The following TEAD1 variants were observed in gnomAD, a reference collection of about 807,000 sequenced individuals.
The protein encoded by TEAD1 is transcriptional enhancer factor TEF-1.
TEAD1 carries 9 observed loss-of-function variants against 54.9 expected under a neutral mutation model. The observed-to-expected ratio is 0.16, with a 90% CI of 0.10 to 0.29. The LOEUF is 0.29. TEAD1 is among the 10% of genes least tolerant of loss of function. TEAD1 has a pLI of 1.00. For synonymous variants in TEAD1, 200 were observed against 187.8 expected, an observed-to-expected ratio of 1.07 and a Z score of -0.53; for missense variants, 387 against 535.9, an observed-to-expected ratio of 0.72 and a Z score of 2.74.
intron 3 of TEAD1, among the ~76,000 whole-genome samples, chr11:12,772,975 C>T (rs1226418253): frequency 2.0e-5 from 3 of 152,170 alleles, no homozygotes; most frequent in East Asian, 3.9e-4. Flanking sequence ...CCGATCTGTC[C>T]TCTGTTTATA....
intron 3 of TEAD1, among the ~76,000 whole-genome samples, chr11:12,803,300 G>A (rs1946101887): frequency 1.3e-5 from 2 of 152,140 alleles, no homozygotes; most frequent in South Asian, 4.2e-4. Context: ...GCTTCCCTGA[G>A]GGTCTTGGCA....
At chr11:12,793,646 A>G (rs929444897) in intron 3 of TEAD1, among the ~76,000 whole-genome samples, 2 of 152,226 alleles carry the variant, frequency 1.3e-5, no homozygotes, top group Non-Finnish European at 2.9e-5. Context: ...CATTCATTCA[A>G]AAAACCCACC....
At chr11:12,765,550 G>A (rs919382714) in intron 3 of TEAD1, among the ~76,000 whole-genome samples, 1 of 152,010 alleles carries the variant, frequency 6.6e-6, no homozygotes, top group African/African-American at 2.4e-5. Flanking sequence ...GTCAGGAGCC[G>A]TAGGAGACTG....
chr11:12,698,655 T>A (rs1392272534), intron 2 of TEAD1, among the ~76,000 whole-genome samples: 3 of 152,130 alleles, frequency 2.0e-5, no homozygotes, highest in Admixed American at 2.0e-4. Context: ...TAGCCCCGTG[T>A]CTCTTTAACT....
chr11:12,749,969 A>G (rs376443475), intron 2 of TEAD1, among the ~76,000 whole-genome samples: 7 of 152,126 alleles, frequency 4.6e-5, no homozygotes, highest in East Asian at 3.9e-4. Context: ...TTGCATCTCA[A>G]TGTGAGAGAC....
At chr11:12,829,718 A>G (rs961340021) in intron 3 of TEAD1, among the ~76,000 whole-genome samples, 16 of 152,238 alleles carry the variant, frequency 1.1e-4, no homozygotes, top group Non-Finnish European at 2.4e-4. Flanking sequence ...TGTAGAGAGT[A>G]GGCCCAGTGA....
chr11:12,925,089 G>T, intron 11 of TEAD1, 37 bp downstream of exon 11: 1 of 1,612,402 alleles, frequency 6.2e-7, no homozygotes. Flanking sequence ...CTTCATTCAA[G>T]GGCAGACTGT....
chr11:12,913,208 C>T (rs1188234794), intron 10 of TEAD1, among the ~76,000 whole-genome samples: 1 of 152,030 alleles, frequency 6.6e-6, no homozygotes, highest in Non-Finnish European at 1.5e-5. Flanking sequence ...GTGAGAGACC[C>T]CCTCTCCATG....
At chr11:12,682,110 T>C (rs1943235560) in intron 2 of TEAD1, among the ~76,000 whole-genome samples, 2 of 152,232 alleles carry the variant, frequency 1.3e-5, no homozygotes. Flanking sequence ...GATCTAGATA[T>C]TCTAATTTTT....
chr11:12,727,171 C>T (rs1356074475), intron 2 of TEAD1, among the ~76,000 whole-genome samples: 3 of 152,232 alleles, frequency 2.0e-5, no homozygotes, highest in South Asian at 2.1e-4. Flanking sequence ...ACCTGGGAGG[C>T]GGAGGTTGCA....
intron 1 of TEAD1, 107 bp from the exon 2 acceptor site, chr11:12,675,302 A>ACCCCCGAGGCCGGCCCGGGTC (rs1474626584): frequency 6.6e-6 from 1 of 151,736 alleles, no homozygotes; most frequent in Non-Finnish European, 1.5e-5. Flanking sequence ...GGCGCCGGGT[A>ACCCCCGAGGCCGGCCCGGGTC]CCCCCGAGGC....
intron 12 of TEAD1, among the ~76,000 whole-genome samples, chr11:12,936,793 G>C (rs1027377524): frequency 2.0e-5 from 3 of 152,168 alleles, no homozygotes; most frequent in African/African-American, 7.2e-5. Context: ...GAATTAAAGA[G>C]AATTCTTTGT....
At chr11:12,822,029 T>A (rs1325428569) in intron 3 of TEAD1, among the ~76,000 whole-genome samples, 1 of 137,856 alleles carries the variant, frequency 7.3e-6, no homozygotes, top group Non-Finnish European at 1.5e-5. Flanking sequence ...AGTGGCGCGA[T>A]CTCCGCTCAC....
intron 9 of TEAD1, among the ~76,000 whole-genome samples, chr11:12,892,008 A>C (rs980943889): frequency 2.6e-5 from 4 of 152,182 alleles, no homozygotes; most frequent in African/African-American, 9.7e-5. Context: ...TCATAGTCAG[A>C]GGGAGCCCAA....
chr11:12,763,814 T>G (rs2133925214), intron 2 of TEAD1, among the ~76,000 whole-genome samples: 1 of 152,354 alleles, frequency 6.6e-6, no homozygotes, highest in South Asian at 2.1e-4. Flanking sequence ...CACTGCAAAC[T>G]TGCAACTCCG....
At chr11:12,760,658 G>T (rs1945082130) in intron 2 of TEAD1, among the ~76,000 whole-genome samples, 1 of 152,146 alleles carries the variant, frequency 6.6e-6, no homozygotes, top group African/African-American at 2.4e-5. Flanking sequence ...AGTGCTTGTT[G>T]CTATAGATTC....
chr11:12,931,100 AAAAC>A (rs1264971042), intron 12 of TEAD1, among the ~76,000 whole-genome samples: 1 of 152,182 alleles, frequency 6.6e-6, no homozygotes, highest in Non-Finnish European at 1.5e-5. Flanking sequence ...ACCCTATCTC[AAAAC>A]AAACAGACAA....
chr11:12,702,272 A>G (rs1311408361), intron 2 of TEAD1, among the ~76,000 whole-genome samples: 1 of 152,168 alleles, frequency 6.6e-6, no homozygotes, highest in African/African-American at 2.4e-5. Context: ...GTGCAGGGTA[A>G]GAATGTTGGA....
At chr11:12,767,555 T>C (rs1047959517) in intron 3 of TEAD1, among the ~76,000 whole-genome samples, 4 of 152,214 alleles carry the variant, frequency 2.6e-5, no homozygotes, top group Non-Finnish European at 4.4e-5. Context: ...TGTTCGTGGT[T>C]GGCAGTAGGG....
Sources: gnomAD v4.1 joint callset for allele counts (sites outside exome capture counted in the v4.1 genomes callset) on GRCh38, gnomAD v4.1.1 for gene constraint, MANE v1.5 for transcripts, NCBI Gene and HGNC (gene_info 2026-07-23, HGNC 2026-07-21) for gene names.